Variants in CDH2 observed in about 807,000 individuals in gnomAD.
CDH2 encodes the protein cadherin 2.
Under a neutral mutation model 92.0 loss-of-function variants are expected in CDH2, and 17 were observed. The ratio of observed to expected loss-of-function variants is 0.18; its 90% CI spans 0.13 to 0.28. CDH2 has a LOEUF of 0.28. Among genes scored for constraint, CDH2 ranks in the 10% least tolerant of loss-of-function variants. CDH2 has a pLI of 1.00. For missense variants in CDH2, 862 were observed against 1,133.1 expected (o/e 0.76, Z 3.44); for synonymous variants, 419 against 415.9 (o/e 1.01, Z -0.09).
intron 2 of CDH2, among the ~76,000 whole-genome samples, chr18:28,015,000 TATA>T (rs959322329): frequency 6.6e-6 from 1 of 152,178 alleles, no homozygotes; most frequent in Admixed American, 6.6e-5. Flanking sequence ...ATGTTCTGGC[TATA>T]ATTACATAGG....
intron 2 of CDH2, among the ~76,000 whole-genome samples, chr18:28,115,170 G>A (rs1201272464): frequency 2.0e-5 from 3 of 152,240 alleles, no homozygotes; most frequent in Non-Finnish European, 2.9e-5. Flanking sequence ...AAGACCTGGC[G>A]TTACTCAGAG....
rs138798105 is a variant in CDH2, at chr18:28,134,311, T to A, written c.172+13362A>T. ...AATAGAAGACATTCGTGGCTTAAAG[T>A]ATGCTGGGAAGATGGCTGATGATAC... On this transcript the variant is annotated intron_variant, in intron 2 of 15. Transcript: ENST00000269141. Among the ~76,000 whole-genome samples, 1,358 of 152,152 alleles carry A rather than the reference T, an allele frequency of 8.9e-3. 3 individuals carry two copies. The highest frequency in any genetic ancestry group is 0.014 in the Non-Finnish European group (986 of 68,002).
intron 15 of CDH2, among the ~76,000 whole-genome samples, chr18:27,957,784 G>A (rs2011289592): frequency 1.3e-5 from 2 of 152,044 alleles, no homozygotes; most frequent in Non-Finnish European, 2.9e-5. Flanking sequence ...AGACATATGT[G>A]GATATAAAAG....
intron 2 of CDH2, among the ~76,000 whole-genome samples, chr18:28,100,018 C>T (rs1235950612): frequency 1.3e-5 from 2 of 152,040 alleles, no homozygotes; most frequent in Non-Finnish European, 2.9e-5. Context: ...TCCATCCATC[C>T]ACCCATCCAT....
At chr18:27,973,030 G>C (rs1277042518) in intron 14 of CDH2, among the ~76,000 whole-genome samples, 2 of 152,130 alleles carry the variant, frequency 1.3e-5, no homozygotes, top group Non-Finnish European at 2.9e-5. Flanking sequence ...ATGCAAAGTG[G>C]AGGGGTAATG....
chr18:28,128,308 A>G (rs2015709967), intron 2 of CDH2, among the ~76,000 whole-genome samples: 2 of 152,164 alleles, frequency 1.3e-5, no homozygotes, highest in South Asian at 4.1e-4. Flanking sequence ...TTCTGCATCA[A>G]TAACTCTAGG....
intron 7 of CDH2, among the ~76,000 whole-genome samples, chr18:27,994,137 A>G (rs1304977236): frequency 6.6e-6 from 1 of 152,216 alleles, no homozygotes; most frequent in African/African-American, 2.4e-5. Flanking sequence ...GGTAGATGCA[A>G]TATTTCCCCT....
At chr18:28,082,260 G>C (rs984528531) in intron 2 of CDH2, among the ~76,000 whole-genome samples, 2 of 151,748 alleles carry the variant, frequency 1.3e-5, no homozygotes, top group African/African-American at 4.8e-5. Flanking sequence ...AAAATTAAAC[G>C]ATTAGCTGAG....
chr18:28,057,017 G>T (rs17535706), intron 2 of CDH2, among the ~76,000 whole-genome samples: 1 of 152,174 alleles, frequency 6.6e-6, no homozygotes, highest in East Asian at 1.9e-4. Context: ...CCTTGTCAAC[G>T]GCATCATTAT....
At chr18:28,172,873 G>A (rs529053059) in intron 1 of CDH2, among the ~76,000 whole-genome samples, 2 of 152,014 alleles carry the variant, frequency 1.3e-5, no homozygotes, top group African/African-American at 4.8e-5. Context: ...ATAACCCCTT[G>A]AAAAGAAGAT....
At chr18:28,078,250 G>C (rs1203393811) in intron 2 of CDH2, among the ~76,000 whole-genome samples, 3 of 152,142 alleles carry the variant, frequency 2.0e-5, no homozygotes, top group Admixed American at 1.3e-4. Flanking sequence ...CCAGCGCTGA[G>C]AGAACCCCAA....
intron 3 of CDH2, 78 bp downstream of exon 3, chr18:28,013,605 G>T: frequency 3.9e-6 from 4 of 1,020,558 alleles, no homozygotes; most frequent in South Asian, 1.3e-5. Flanking sequence ...AATGTGGTCT[G>T]AAGCAAAGCA....
At chr18:27,962,076 T>C (rs2011419665) in intron 15 of CDH2, among the ~76,000 whole-genome samples, 1 of 152,178 alleles carries the variant, frequency 6.6e-6, no homozygotes, top group South Asian at 2.1e-4. Context: ...AAATTAGAAA[T>C]AAAATCATCA....
At chr18:28,031,777 T>C (rs1222962268) in intron 2 of CDH2, among the ~76,000 whole-genome samples, 1 of 152,150 alleles carries the variant, frequency 6.6e-6, no homozygotes, top group Non-Finnish European at 1.5e-5. Context: ...CATTTTTGTC[T>C]TTTATAGATT....
rs1361423137 is a variant in CDH2 at position 27,952,300 on chromosome 18, A to G, written c.2574T>C (p.Phe858=). The G allele has an allele frequency of 1.2e-6, 2 of 1,613,518 alleles. No homozygotes were observed. The highest frequency in any genetic ancestry group is 2.2e-5 in the East Asian group (1 of 44,878). Residue 858 remains phenylalanine (F), a synonymous_variant, in exon 16 of 16, where the codon TTT becomes TTC. Coordinates refer to ENST00000269141, the MANE Select transcript of CDH2 (RefSeq NM_001792.5). ...TAPPYDSLLV[F]DYEGSGSTAG... Reference sequence around the variant, plus strand: ...CAGTGGAGCCACTGCCTTCATAGTCAAACACTAACAGGGAGTCATATGGTG... The same window carrying G: ...CAGTGGAGCCACTGCCTTCATAGTCGAACACTAACAGGGAGTCATATGGTG...
At chr18:28,108,462 T>C (rs1273453279) in intron 2 of CDH2, among the ~76,000 whole-genome samples, 1 of 152,126 alleles carries the variant, frequency 6.6e-6, no homozygotes, top group Non-Finnish European at 1.5e-5. Context: ...TGCAATCACA[T>C]ACACTTGAGT....
At chr18:27,991,735 T>C (rs908139172) in intron 9 of CDH2, among the ~76,000 whole-genome samples, 4 of 152,200 alleles carry the variant, frequency 2.6e-5, no homozygotes, top group African/African-American at 7.2e-5. Flanking sequence ...TTTTGATCAC[T>C]ATGTTCCTTC....
chr18:28,058,487 T>TAA (rs1567982301), intron 2 of CDH2, among the ~76,000 whole-genome samples: 2 of 152,194 alleles, frequency 1.3e-5, no homozygotes, highest in Non-Finnish European at 2.9e-5. Flanking sequence ...GACTTTAAGG[T>TAA]AAAGCTGATT....
chr18:28,154,877 A>T (rs916073605), intron 1 of CDH2, among the ~76,000 whole-genome samples: 1 of 152,174 alleles, frequency 6.6e-6, no homozygotes, highest in Non-Finnish European at 1.5e-5. Flanking sequence ...AACCTAAGGA[A>T]ATCATAACTT....
Sources: allele counts gnomAD v4.1 joint callset (sites outside exome capture counted in the v4.1 genomes callset), GRCh38; gene constraint gnomAD v4.1.1; transcripts MANE v1.5; gene names NCBI Gene and HGNC (gene_info 2026-07-23, HGNC 2026-07-21).